RUNX2: variants seen among roughly 807,000 people sequenced by gnomAD.
The protein encoded by RUNX2 is RUNX family transcription factor 2, also known as runt-related transcription factor 2.
In RUNX2, 10 loss-of-function variants were observed where a neutral mutation model predicts 51.7. The observed-to-expected ratio is 0.19, with a 90% CI of 0.12 to 0.33. The LOEUF (loss-of-function observed/expected upper bound fraction) is 0.33. Among genes scored for constraint, RUNX2 ranks in the 10% least tolerant of loss-of-function variants. The pLI, the probability that RUNX2 is intolerant of heterozygous loss-of-function variation, is 1.00. For missense variants in RUNX2, 562 were observed against 691.3 expected, an observed-to-expected ratio of 0.81 and a Z score of 2.10; for synonymous variants, 276 against 273.6, an observed-to-expected ratio of 1.01 and a Z score of -0.09.
intron 5 of RUNX2, among the ~76,000 whole-genome samples, chr6:45,446,115 G>T (rs1055148619): frequency 1.3e-5 from 2 of 152,196 alleles, no homozygotes; most frequent in South Asian, 4.1e-4. Context: ...GCAGCAAGGA[G>T]CTATGGCATT....
chr6:45,488,466 C>T (rs114459661), intron 5 of RUNX2, among the ~76,000 whole-genome samples: 1 of 152,126 alleles, frequency 6.6e-6, no homozygotes, highest in Non-Finnish European at 1.5e-5. Flanking sequence ...AGGGCTCAAC[C>T]AGAAAAGGGG....
At chr6:45,461,720 G>A (rs1194692749) in intron 5 of RUNX2, among the ~76,000 whole-genome samples, 1 of 151,834 alleles carries the variant, frequency 6.6e-6, no homozygotes, top group African/African-American at 2.4e-5. Context: ...ATGTGTGGGA[G>A]GAAGCCAAAT....
At chr6:45,366,299 C>T (rs1177426753) in intron 2 of RUNX2, among the ~76,000 whole-genome samples, 1 of 152,166 alleles carries the variant, frequency 6.6e-6, no homozygotes, top group Non-Finnish European at 1.5e-5. Context: ...AGATTTGAAT[C>T]CCAGCTCCGC....
At chr6:45,329,412 A>G (rs1787002924) in intron 2 of RUNX2, among the ~76,000 whole-genome samples, 1 of 151,970 alleles carries the variant, frequency 6.6e-6, no homozygotes, top group Non-Finnish European at 1.5e-5. Context: ...AGCACATCAC[A>G]GCCATTTTTA....
In RUNX2 at chr6:45,367,458, T is replaced by TA. The variant is rs929113976; in HGVS notation, c.58+38685dup. On this transcript the variant is annotated intron_variant, in intron 2 of 8. Transcript: ENST00000647337. ...AAACATAACCATTTGAGACTCGGAT[T>TA]AAAAAAAAAAATCACAAGTCCAAGA... Among the ~76,000 whole-genome samples the TA allele has an allele frequency of 1.6e-3, 229 of 146,278 alleles. 1 individual carries two copies. Among genetic ancestry groups the TA allele is most frequent in the Admixed American group, 3.6e-3 (53 of 14,650 alleles).
chr6:45,498,582 A>G (rs923634063), intron 6 of RUNX2, among the ~76,000 whole-genome samples: 1 of 152,246 alleles, frequency 6.6e-6, no homozygotes, highest in Non-Finnish European at 1.5e-5. Context: ...ATTAAATTCC[A>G]GTTATATAAG....
chr6:45,468,265 A>T (rs910652503), intron 5 of RUNX2, among the ~76,000 whole-genome samples: 1 of 152,230 alleles, frequency 6.6e-6, no homozygotes, highest in Non-Finnish European at 1.5e-5. Flanking sequence ...ATATATCCAC[A>T]CAATTTCTGA....
intron 2 of RUNX2, among the ~76,000 whole-genome samples, chr6:45,385,700 G>C (rs1397798068): frequency 2.6e-5 from 4 of 152,174 alleles, no homozygotes; most frequent in Non-Finnish European, 5.9e-5. Flanking sequence ...AGGTGTTCAA[G>C]ACCAGCCTAG....
At chr6:45,428,994 C>T (rs1798462983) in intron 3 of RUNX2, among the ~76,000 whole-genome samples, 1 of 152,064 alleles carries the variant, frequency 6.6e-6, no homozygotes, top group Non-Finnish European at 1.5e-5. Context: ...AAGTAAAAGC[C>T]TATGTTTAAC....
At chr6:45,485,360 G>A (rs765842746) in intron 5 of RUNX2, among the ~76,000 whole-genome samples, 16 of 151,500 alleles carry the variant, frequency 1.1e-4, no homozygotes, top group Non-Finnish European at 1.8e-4. Flanking sequence ...GTGCCATCAC[G>A]CCTGGCTAAT....
intron 5 of RUNX2, among the ~76,000 whole-genome samples, chr6:45,440,980 G>A (rs1189488970): frequency 6.6e-6 from 1 of 152,142 alleles, no homozygotes; most frequent in Non-Finnish European, 1.5e-5. Flanking sequence ...GTTGTAGTTT[G>A]TCAACCCTTG....
At chr6:45,545,188 A>G (rs1360369404) in intron 7 of RUNX2, 29 bp from the exon 8 acceptor site, 3 of 1,490,390 alleles carry the variant, frequency 2.0e-6, no homozygotes, top group South Asian at 1.2e-5. Context: ...CTGGAAGGGA[A>G]CTTAGAGCTC....
At chr6:45,330,329 C>G (rs906405644) in intron 2 of RUNX2, among the ~76,000 whole-genome samples, 2 of 151,748 alleles carry the variant, frequency 1.3e-5, no homozygotes, top group Admixed American at 1.3e-4. Flanking sequence ...GCTTATACAT[C>G]GAAAGTTTTG....
chr6:45,492,219 G>T (rs547061679), intron 6 of RUNX2, 105 bp downstream of exon 6: 6 of 1,056,500 alleles, frequency 5.7e-6, no homozygotes, highest in Non-Finnish European at 8.7e-6. Context: ...GCTGTGAAGC[G>T]GCTTATTATT....
intron 3 of RUNX2, among the ~76,000 whole-genome samples, chr6:45,425,686 C>T (rs1423619674): frequency 6.6e-6 from 1 of 152,266 alleles, no homozygotes; most frequent in Non-Finnish European, 1.5e-5. Context: ...CTTTACCCTA[C>T]TTTTGGAATA....
In RUNX2 at chr6:45,547,121, G is replaced by C. The variant is rs554124503; in HGVS notation, c.1382G>C (p.Gly461Ala). 3.7e-6 allele frequency: 6 copies of C among 1,614,034 alleles called. No homozygotes were observed. The South Asian group carries it at 5.5e-5, about 15-fold the overall frequency. Residue 461 changes from glycine to alanine, a missense_variant, in exon 9 of 9, where the codon GGG becomes GCG. By Grantham distance (60) the Gly-to-Ala change is moderately conservative. Around this residue, in one of 5 missense-constraint regions of RUNX2, gnomAD observed 304 missense variants for 353.2 expected, o/e 0.86. Transcript: ENST00000647337. ...TCCTATCAGTTTCCCATGGTGCCGG[G>C]GGGAGACCGGTCTCCTTCCAGAATG... is the stretch of plus-strand genomic sequence containing the variant. ...SGSYQFPMVP[G>A]GDRSPSRMLP...
At chr6:45,438,873 G>A (rs1473752907) in intron 5 of RUNX2, among the ~76,000 whole-genome samples, 2 of 152,020 alleles carry the variant, frequency 1.3e-5, no homozygotes, top group Non-Finnish European at 2.9e-5. Context: ...ACAATTGTGT[G>A]CCAATGGAAA....
In RUNX2 at chr6:45,411,281, C is replaced by T. The variant is rs1015068082; in HGVS notation, c.59-11312C>T. Among the ~76,000 whole-genome samples the T allele has an allele frequency of 1.1e-4, 16 of 152,084 alleles. 1 individual carries two copies. Among genetic ancestry groups the T allele is most frequent in the South Asian group, 4.1e-4 (2 of 4,826 alleles). ...ATATATGTCTAATAAAAATGACTGA[C>T]GGATTGTTTGGACTTTAACGTGTTT... is the stretch of plus-strand genomic sequence containing the variant. On this transcript the variant is annotated intron_variant, in intron 2 of 8. Coordinates refer to ENST00000647337, the MANE Select transcript of RUNX2 (RefSeq NM_001024630.4).
intron 7 of RUNX2, among the ~76,000 whole-genome samples, chr6:45,519,423 A>G (rs1801430800): frequency 1.3e-5 from 2 of 152,008 alleles, no homozygotes; most frequent in Admixed American, 6.6e-5. Context: ...CACAGGGCTC[A>G]CTCTTTGTGT....
Sources: allele counts gnomAD v4.1 joint callset (sites outside exome capture counted in the v4.1 genomes callset), GRCh38; gene constraint gnomAD v4.1.1; regional missense constraint gnomAD v4.1.1; transcripts MANE v1.5; gene names NCBI Gene and HGNC (gene_info 2026-07-23, HGNC 2026-07-21).